TRIO: variants seen among roughly 807,000 people sequenced by gnomAD.
TRIO encodes the protein triple functional domain protein.
Under a neutral mutation model 351.9 loss-of-function variants are expected in TRIO, and 58 were observed. The observed-to-expected ratio is 0.16, with a 90% CI of 0.13 to 0.21. TRIO has a LOEUF of 0.21. Ranked by LOEUF, TRIO falls within the 10% of genes least tolerant of loss-of-function variation. The pLI is 1.00. For missense variants in TRIO, 3,201 were observed against 4,027.8 expected, an observed-to-expected ratio of 0.79 and a Z score of 5.56; for synonymous variants, 1,758 against 1,595.7, an observed-to-expected ratio of 1.10 and a Z score of -2.42.
intron 8 of TRIO, among the ~76,000 whole-genome samples, chr5:14,314,652 G>A (rs1370157718): frequency 2.0e-5 from 3 of 152,170 alleles, no homozygotes; most frequent in East Asian, 1.9e-4. Flanking sequence ...AGATGATCAC[G>A]AAAAGCAGGA....
chr5:14,432,778 G>A (rs908217135), intron 34 of TRIO, among the ~76,000 whole-genome samples: 2 of 152,078 alleles, frequency 1.3e-5, no homozygotes, highest in Admixed American at 1.3e-4. Context: ...AAAGATTTTT[G>A]CCCCAAAACT....
At chr5:14,209,802 C>A (rs764665848) in intron 1 of TRIO, among the ~76,000 whole-genome samples, 5 of 152,208 alleles carry the variant, frequency 3.3e-5, no homozygotes, top group Non-Finnish European at 5.9e-5. Flanking sequence ...GCCCTCAAGG[C>A]AGTATTTTTA....
intron 34 of TRIO, among the ~76,000 whole-genome samples, chr5:14,436,965 G>A (rs1751635133): frequency 1.3e-5 from 2 of 152,168 alleles, no homozygotes; most frequent in African/African-American, 4.8e-5. Context: ...GAGGGTGGTG[G>A]CCCTCTTCTC....
chr5:14,196,569 A>G (rs552054632), intron 1 of TRIO, among the ~76,000 whole-genome samples: 23 of 152,300 alleles, frequency 1.5e-4, no homozygotes, highest in Admixed American at 1.3e-3. Flanking sequence ...GAGCACTGTC[A>G]CTAAATACTG....
Position 14,242,811 on chromosome 5 carries a change from A to G in TRIO, c.158-28014A>G, listed in dbSNP as rs562873438. Among the ~76,000 whole-genome samples, 38 of 152,234 alleles carry G rather than the reference A, an allele frequency of 2.5e-4. 1 individual carries two copies. The East Asian group carries it at 2.7e-3, about 11-fold the overall frequency. Reference sequence around the variant, plus strand: ...TCAGGCTATTCGGGCTTTTTGATCTATTATTTGATTGCTCCAAGTCAGCCA... The same window carrying G: ...TCAGGCTATTCGGGCTTTTTGATCTGTTATTTGATTGCTCCAAGTCAGCCA... On this transcript the variant is annotated intron_variant, in intron 1 of 56. Coordinates refer to ENST00000344204, the MANE Select transcript of TRIO (RefSeq NM_007118.4).
intron 1 of TRIO, among the ~76,000 whole-genome samples, chr5:14,237,619 G>A (rs59495386): frequency 0.014 from 2,130 of 152,284 alleles, 34 homozygotes; most frequent in African/African-American, 0.048. Flanking sequence ...AACAGTTGTA[G>A]CCTTGACACA....
At chr5:14,293,968 G>A (rs1737124933) in intron 6 of TRIO, among the ~76,000 whole-genome samples, 2 of 151,128 alleles carry the variant, frequency 1.3e-5, no homozygotes, top group African/African-American at 2.4e-5. Context: ...GAGCATTAAA[G>A]CAATATGAAC....
chr5:14,227,703 G>A (rs1270258744), intron 1 of TRIO, among the ~76,000 whole-genome samples: 1 of 152,190 alleles, frequency 6.6e-6, no homozygotes, highest in Non-Finnish European at 1.5e-5. Flanking sequence ...TGTTGTATTA[G>A]ATATGATGCA....
chr5:14,185,461 G>A (rs977330082), intron 1 of TRIO, among the ~76,000 whole-genome samples: 1 of 152,226 alleles, frequency 6.6e-6, no homozygotes, highest in South Asian at 2.1e-4. Flanking sequence ...ACGTCTGCTG[G>A]CTCTGAGCAG....
intron 32 of TRIO, 162 bp downstream of exon 32, chr5:14,406,152 T>C: frequency 9.4e-7 from 1 of 1,063,962 alleles, no homozygotes; most frequent in East Asian, 2.6e-5. Context: ...TGAAACTGCT[T>C]TGTCAGAGAT....
chr5:14,156,211 G>C (rs1788095629), intron 1 of TRIO, among the ~76,000 whole-genome samples: 1 of 152,056 alleles, frequency 6.6e-6, no homozygotes, highest in African/African-American at 2.4e-5. Flanking sequence ...TTACTTTCTG[G>C]CACAATAAAC....
intron 33 of TRIO, among the ~76,000 whole-genome samples, chr5:14,415,940 G>C: frequency 6.6e-6 from 1 of 151,876 alleles, no homozygotes; most frequent in East Asian, 1.9e-4. Flanking sequence ...AATCTCGCAA[G>C]TGTTAATGTG....
chr5:14,273,563 A>G (rs772012238), intron 2 of TRIO, among the ~76,000 whole-genome samples: 4 of 152,356 alleles, frequency 2.6e-5, no homozygotes, highest in East Asian at 1.9e-4. Flanking sequence ...TTAAGAGGCA[A>G]TTAGGCCATG....
intron 6 of TRIO, among the ~76,000 whole-genome samples, chr5:14,295,067 G>A (rs1299222228): frequency 1.3e-5 from 2 of 152,168 alleles, no homozygotes; most frequent in African/African-American, 2.4e-5. Flanking sequence ...GACCAGGCCT[G>A]CTCCTTGTGT....
At chr5:14,453,784 C>T (rs1753024864) in intron 34 of TRIO, among the ~76,000 whole-genome samples, 1 of 152,194 alleles carries the variant, frequency 6.6e-6, no homozygotes, top group African/African-American at 2.4e-5. Flanking sequence ...CCAAACCAGG[C>T]TTAGTGGGAA....
chr5:14,381,400 C>T, intron 21 of TRIO, 148 bp downstream of exon 21: 1 of 998,198 alleles, frequency 1.0e-6, no homozygotes, highest in Non-Finnish European at 1.4e-6. Flanking sequence ...TCCTTCCGTT[C>T]ACGTGTGTCC....
At chr5:14,309,674 T>A (rs960309902) in intron 8 of TRIO, among the ~76,000 whole-genome samples, 10 of 152,214 alleles carry the variant, frequency 6.6e-5, no homozygotes, top group African/African-American at 2.4e-4. Flanking sequence ...GAGCTTGCTC[T>A]GAAGAGCTGG....
At chr5:14,399,669 C>A (rs1747904155) in intron 30 of TRIO, among the ~76,000 whole-genome samples, 1 of 152,208 alleles carries the variant, frequency 6.6e-6, no homozygotes, top group Admixed American at 6.5e-5. Context: ...CGTAACCTGT[C>A]ATTGTACTTC....
intron 1 of TRIO, among the ~76,000 whole-genome samples, chr5:14,217,363 G>A (rs145240394): frequency 3.3e-5 from 5 of 152,204 alleles, no homozygotes; most frequent in African/African-American, 1.2e-4. Flanking sequence ...CTTCTTTCTG[G>A]GCCCCTTTCT....
Sources: gnomAD v4.1 joint callset for allele counts (sites outside exome capture counted in the v4.1 genomes callset) on GRCh38, gnomAD v4.1.1 for gene constraint, MANE v1.5 for transcripts, NCBI Gene and HGNC (gene_info 2026-07-23, HGNC 2026-07-21) for gene names.